Variants in PRKCA observed in about 807,000 individuals in gnomAD.
PRKCA encodes the protein protein kinase C alpha.
A neutral mutation model predicts 87.0 loss-of-function variants in PRKCA; 27 were observed. The ratio of observed to expected loss-of-function variants is 0.31; its 90% CI spans 0.23 to 0.43. The LOEUF (loss-of-function observed/expected upper bound fraction) is 0.43, where lower values mean the gene tolerates loss of function less well. Ranked by LOEUF, PRKCA falls within the 20% of genes least tolerant of loss-of-function variation. The probability of loss-of-function intolerance (pLI) is 1.00; values close to 1 mark genes in which losing one functional copy is unlikely to be tolerated. For missense variants in PRKCA, 518 were observed against 852.3 expected (o/e 0.61, Z 4.88); for synonymous variants, 329 against 311.1 (o/e 1.06, Z -0.61).
At chr17:66,802,108 C>T (rs1267304442) in intron 16 of PRKCA, among the ~76,000 whole-genome samples, 1 of 152,058 alleles carries the variant, frequency 6.6e-6, no homozygotes, top group Non-Finnish European at 1.5e-5. Flanking sequence ...GCAGTCCCAG[C>T]TACTCAGGAG....
chr17:66,775,757 C>A, intron 14 of PRKCA: 1 of 985,154 alleles, frequency 1.0e-6, no homozygotes, highest in Non-Finnish European at 1.2e-6. Context: ...TCACTCACCA[C>A]GTATTTATTC....
At chr17:66,722,293 A>G (rs759312798) in intron 8 of PRKCA, among the ~76,000 whole-genome samples, 4 of 152,198 alleles carry the variant, frequency 2.6e-5, no homozygotes, top group Non-Finnish European at 5.9e-5. Context: ...TAGCAGCTGC[A>G]AACTTTTAAC....
chr17:66,302,765 C>T lies in PRKCA; in HGVS notation c.-87C>T, dbSNP rs1320460497. The T allele has an allele frequency of 8.8e-6, 11 of 1,246,080 alleles. No individual in the cohort carries two copies. Among genetic ancestry groups the T allele is most frequent in the South Asian group, 5.1e-5 (3 of 58,536 alleles). The allele number at this position is 1,246,080 out of a possible 1,614,324, so 77.2% of individuals were successfully genotyped here. On this transcript the variant is annotated 5_prime_UTR_variant, in exon 1 of 17. Transcript: ENST00000413366. Reference sequence around the variant, plus strand: ...GCCCCGCGCCCGGGGTCGCCCCGAGCCCGCACCTCTCCCCCGCCGCCCCCG... The same window carrying T: ...GCCCCGCGCCCGGGGTCGCCCCGAGTCCGCACCTCTCCCCCGCCGCCCCCG...
chr17:66,471,031 A>G (rs1202274888), intron 2 of PRKCA, among the ~76,000 whole-genome samples: 1 of 147,302 alleles, frequency 6.8e-6, no homozygotes, highest in Non-Finnish European at 1.5e-5. Context: ...TTTTTTTTTA[A>G]TTGTACTTCT....
At chr17:66,797,457 T>G (rs1433010519) in intron 16 of PRKCA, among the ~76,000 whole-genome samples, 1 of 152,208 alleles carries the variant, frequency 6.6e-6, no homozygotes, top group Non-Finnish European at 1.5e-5. Context: ...TTAATAACGT[T>G]CCTTCGTCCC....
At chr17:66,432,169 G>T (rs935997294) in intron 2 of PRKCA, among the ~76,000 whole-genome samples, 1 of 152,128 alleles carries the variant, frequency 6.6e-6, no homozygotes, top group East Asian at 1.9e-4. Context: ...GCTGGGAGCC[G>T]ATCTTGTTTA....
intron 3 of PRKCA, among the ~76,000 whole-genome samples, chr17:66,633,268 C>G (rs1971069743): frequency 6.6e-6 from 1 of 151,766 alleles, no homozygotes; most frequent in Non-Finnish European, 1.5e-5. Context: ...CTCATGTTAA[C>G]CAAAAAAATT....
chr17:66,502,906 G>A (rs1386004135), intron 3 of PRKCA, among the ~76,000 whole-genome samples: 1 of 151,540 alleles, frequency 6.6e-6, no homozygotes, highest in Non-Finnish European at 1.5e-5. Context: ...TGATCCGCCT[G>A]CCTTGGCCTC....
chr17:66,566,196 T>C (rs1968884215), intron 3 of PRKCA, among the ~76,000 whole-genome samples: 3 of 152,338 alleles, frequency 2.0e-5, no homozygotes, highest in African/African-American at 7.2e-5. Flanking sequence ...CTTTCAGATC[T>C]GCTGATGATA....
chr17:66,670,791 G>A (rs1482116640), intron 5 of PRKCA, among the ~76,000 whole-genome samples: 1 of 151,974 alleles, frequency 6.6e-6, no homozygotes, highest in Admixed American at 6.6e-5. Flanking sequence ...GAGCACAGGA[G>A]GTCAAGGCTG....
chr17:66,461,112 A>C (rs1218784405), intron 2 of PRKCA, among the ~76,000 whole-genome samples: 1 of 150,888 alleles, frequency 6.6e-6, no homozygotes, highest in East Asian at 2.0e-4. Flanking sequence ...GGAATGAGGC[A>C]GGAGAATTGC....
chr17:66,683,315 C>T (rs996261722), intron 5 of PRKCA, among the ~76,000 whole-genome samples: 9 of 152,194 alleles, frequency 5.9e-5, no homozygotes, highest in Non-Finnish European at 1.0e-4. Flanking sequence ...TAGTTGAAGT[C>T]TTCAAATGAT....
chr17:66,465,982 A>C (rs1915069397), intron 2 of PRKCA, among the ~76,000 whole-genome samples: 1 of 152,180 alleles, frequency 6.6e-6, no homozygotes, highest in African/African-American at 2.4e-5. Flanking sequence ...GCAATAAGTC[A>C]AAAGCTGTTC....
rs71367172 is a variant in PRKCA at position 66,515,271 on chromosome 17, C to CAAAAAAA, written c.288+19000_288+19006dup. 8.3e-5 allele frequency among the ~76,000 whole-genome samples: 8 copies of CAAAAAAA among 96,288 alleles called. 1 individual carries two copies. The highest frequency in any genetic ancestry group is 1.1e-4 in the Admixed American group (1 of 8,838). 63.2% of individuals were successfully genotyped at this position (96,288 alleles called of 152,430 possible). ...TAGGTGACAGAGCAAGACTCTGTCTCAAAAAAAAAAAAAAAAAAGAAGGGA... is the reference window on the plus strand; with the variant it reads ...TAGGTGACAGAGCAAGACTCTGTCTCAAAAAAAAAAAAAAAAAAAAAAAAAGAAGGGA... On this transcript the variant is annotated intron_variant, in intron 3 of 16. Coordinates refer to ENST00000413366, the MANE Select transcript of PRKCA (RefSeq NM_002737.3).
intron 2 of PRKCA, among the ~76,000 whole-genome samples, chr17:66,326,973 T>TG (rs1199490347): frequency 1.3e-5 from 2 of 152,012 alleles, no homozygotes; most frequent in Non-Finnish European, 2.9e-5. Flanking sequence ...GAGGCCAAGA[T>TG]GGGGGGAATC....
intron 3 of PRKCA, among the ~76,000 whole-genome samples, chr17:66,614,438 A>G (rs764413491): frequency 1.8e-4 from 28 of 152,168 alleles, no homozygotes; most frequent in Non-Finnish European, 2.8e-4. Flanking sequence ...GTTACTTTCT[A>G]TTTATTCTGG....
chr17:66,307,616 A>G (rs1397575044), intron 2 of PRKCA, among the ~76,000 whole-genome samples: 2 of 152,178 alleles, frequency 1.3e-5, no homozygotes, highest in Non-Finnish European at 2.9e-5. Flanking sequence ...GTTGATTAGA[A>G]TAAGGTTGGT....
intron 5 of PRKCA, among the ~76,000 whole-genome samples, chr17:66,654,344 G>A (rs1057121343): frequency 1.3e-5 from 2 of 152,134 alleles, no homozygotes; most frequent in African/African-American, 4.8e-5. Context: ...AACACTTTTC[G>A]TGTACCAGGC....
At chr17:66,703,553 G>T (rs1973115008) in intron 8 of PRKCA, 1 of 152,218 alleles carries the variant, frequency 6.6e-6, no homozygotes, top group Admixed American at 6.5e-5. Context: ...CAGCAAGTTT[G>T]CCAGGCCAAG....
Sources: gnomAD v4.1 joint callset for allele counts (sites outside exome capture counted in the v4.1 genomes callset) on GRCh38, gnomAD v4.1.1 for gene constraint, MANE v1.5 for transcripts, NCBI Gene and HGNC (gene_info 2026-07-23, HGNC 2026-07-21) for gene names.